PRKCB: variants seen among roughly 807,000 people sequenced by gnomAD.
PRKCB encodes protein kinase C beta type.
In PRKCB, 13 loss-of-function variants were observed where a neutral mutation model predicts 81.5. The observed-to-expected ratio is 0.16, with a 90% CI of 0.10 to 0.25. PRKCB has a LOEUF of 0.25. PRKCB is among the 10% of genes least tolerant of loss of function. The pLI, the probability that PRKCB is intolerant of heterozygous loss-of-function variation, is 1.00. For missense variants in PRKCB, 509 were observed against 875.7 expected, an observed-to-expected ratio of 0.58 and a Z score of 5.29; for synonymous variants, 335 against 321.4, an observed-to-expected ratio of 1.04 and a Z score of -0.45.
chr16:24,116,560 T>C (rs1172128651), intron 8 of PRKCB, among the ~76,000 whole-genome samples: 1 of 152,198 alleles, frequency 6.6e-6, no homozygotes, highest in Non-Finnish European at 1.5e-5. Flanking sequence ...ACATTGGCCT[T>C]GAGCTTATCA....
Position 24,142,339 on chromosome 16 carries a change from C to T in PRKCB, c.1066-12345C>T, listed in dbSNP as rs9932325. ...CAGGATACCTGCCACGTGGTAAAGA[C>T]GTGGATGCAGAAGTTAACCTCCATT... On this transcript the variant is annotated intron_variant, in intron 9 of 16. Transcript: ENST00000643927. Among the ~76,000 whole-genome samples, 899 of 152,332 alleles carry T rather than the reference C, an allele frequency of 5.9e-3. 8 individuals are homozygous for T. The highest frequency in any genetic ancestry group is 0.02 in the African/African-American group (846 of 41,570).
intron 15 of PRKCB, among the ~76,000 whole-genome samples, chr16:24,188,721 C>T (rs1967743572): frequency 6.6e-6 from 1 of 152,138 alleles, no homozygotes; most frequent in Non-Finnish European, 1.5e-5. Flanking sequence ...TGAGACTGAA[C>T]ATAAAGCTAT....
intron 9 of PRKCB, among the ~76,000 whole-genome samples, chr16:24,130,119 A>G (rs1248501682): frequency 6.6e-6 from 1 of 152,230 alleles, no homozygotes; most frequent in East Asian, 1.9e-4. Context: ...CATGTATACC[A>G]TTTAACCAGA....
chr16:23,939,472 G>A (rs948349118), intron 2 of PRKCB, among the ~76,000 whole-genome samples: 3 of 152,286 alleles, frequency 2.0e-5, no homozygotes, highest in Middle Eastern at 3.4e-3. Flanking sequence ...TCAGTCTACC[G>A]TAGTCAAGAC....
At chr16:24,109,261 C>T (rs75513888) in intron 7 of PRKCB, among the ~76,000 whole-genome samples, 2,211 of 13,632 alleles carry the variant, frequency 0.16, 43 homozygotes, top group Non-Finnish European at 0.24. Context: ...ACCTCCCGGA[C>T]GGGGCGGCTG....
intron 16 of PRKCB, among the ~76,000 whole-genome samples, chr16:24,202,614 A>G (rs944942086): frequency 2.6e-5 from 4 of 152,322 alleles, no homozygotes. Context: ...ACCCATTGCA[A>G]CCAGGTTCTT....
At chr16:23,957,789 C>A (rs1444247341) in intron 2 of PRKCB, among the ~76,000 whole-genome samples, 1 of 152,100 alleles carries the variant, frequency 6.6e-6, no homozygotes, top group Non-Finnish European at 1.5e-5. Context: ...TCCGTAAACT[C>A]ACAGTTCCTT....
chr16:23,882,349 G>A (rs563365487), intron 2 of PRKCB, among the ~76,000 whole-genome samples: 20 of 151,928 alleles, frequency 1.3e-4, no homozygotes, highest in Non-Finnish European at 2.2e-4. Flanking sequence ...CTCCTGAGTA[G>A]CTGGGATTAC....
intron 3 of PRKCB, among the ~76,000 whole-genome samples, chr16:23,993,290 G>T (rs572314577): frequency 5.9e-4 from 90 of 152,278 alleles, no homozygotes; most frequent in African/African-American, 2.1e-3. Flanking sequence ...ATTGATAGAA[G>T]TTCACTAAGC....
intron 2 of PRKCB, among the ~76,000 whole-genome samples, chr16:23,921,362 G>A (rs1057284715): frequency 6.6e-6 from 1 of 152,200 alleles, no homozygotes; most frequent in African/African-American, 2.4e-5. Context: ...CAGGTAAGGT[G>A]CTGGTACCTT....
At chr16:24,125,076 G>A (rs1281590424) in intron 9 of PRKCB, among the ~76,000 whole-genome samples, 1 of 66,212 alleles carries the variant, frequency 1.5e-5, no homozygotes, top group South Asian at 4.0e-4. Context: ...ATAATTAATC[G>A]TTACCTATAA....
rs186470911 is a variant in PRKCB at position 24,169,184 on chromosome 16, A to T, written c.1240-3086A>T. Among the ~76,000 whole-genome samples, 203 of 152,148 alleles carry T rather than the reference A, an allele frequency of 1.3e-3. No individual in the cohort carries two copies. The Middle Eastern group carries it at 0.02, about 15-fold the overall frequency. ...ACGTGGAGTCAGAGCTTTGATTCCA[A>T]CCTTCTGACTGTATGAATGCTGCTT... On this transcript the variant is annotated intron_variant, in intron 10 of 16. Coordinates refer to ENST00000643927, the MANE Select transcript of PRKCB (RefSeq NM_002738.7).
At chr16:24,158,547 T>TGTATAA (rs749170956) in intron 10 of PRKCB, among the ~76,000 whole-genome samples, 50,473 of 126,790 alleles carry the variant, frequency 0.4, 8,835 homozygotes, top group Non-Finnish European at 0.41. Context: ...TATAAGTATA[T>TGTATAA]GTATATGTAT....
chr16:23,836,768 C>CGGCG (rs144833389), intron 1 of PRKCB, among the ~76,000 whole-genome samples: 5 of 141,910 alleles, frequency 3.5e-5, no homozygotes, highest in Admixed American at 6.8e-5. Context: ...CCCTTGTTTC[C>CGGCG]GGGGGGGGCG....
intron 16 of PRKCB, among the ~76,000 whole-genome samples, chr16:24,197,705 C>T (rs1014884506): frequency 1.2e-4 from 19 of 152,072 alleles, no homozygotes; most frequent in African/African-American, 4.6e-4. Flanking sequence ...GTGATAGGAG[C>T]TTGGGCAGGT....
intron 10 of PRKCB, among the ~76,000 whole-genome samples, chr16:24,171,336 C>A (rs182576792): frequency 4.0e-4 from 61 of 152,316 alleles, no homozygotes; most frequent in African/African-American, 1.4e-3. Flanking sequence ...TCCCATAGTA[C>A]TGCTTGAGCA....
At chr16:24,019,241 G>T (rs367730085) in intron 3 of PRKCB, among the ~76,000 whole-genome samples, 79 of 151,264 alleles carry the variant, frequency 5.2e-4, no homozygotes, top group African/African-American at 1.8e-3. Context: ...TTACTCAGGA[G>T]GCTCAGGCAG....
intron 2 of PRKCB, among the ~76,000 whole-genome samples, chr16:23,967,934 C>T (rs187823037): frequency 1.3e-4 from 20 of 152,284 alleles, no homozygotes; most frequent in African/African-American, 4.1e-4. Context: ...GGATTATAGG[C>T]GTGAGCCACT....
At chr16:24,115,008 GA>G (rs1966720241) in intron 8 of PRKCB, among the ~76,000 whole-genome samples, 2 of 152,154 alleles carry the variant, frequency 1.3e-5, no homozygotes, top group Admixed American at 1.3e-4. Context: ...AAAAAGAGGG[GA>G]AAATGTATTC....
Sources: gnomAD v4.1 joint callset for allele counts (sites outside exome capture counted in the v4.1 genomes callset) on GRCh38, gnomAD v4.1.1 for gene constraint, MANE v1.5 for transcripts, NCBI Gene and HGNC (gene_info 2026-07-23, HGNC 2026-07-21) for gene names.